The following NUDCD3 variants were observed in gnomAD, a reference collection of about 807,000 sequenced individuals.
The protein encoded by NUDCD3 is nudC domain-containing protein 3.
Under a neutral mutation model 39.7 loss-of-function variants are expected in NUDCD3, and 13 were observed. The observed-to-expected ratio is 0.33, with a 90% CI of 0.21 to 0.52. NUDCD3 has a LOEUF of 0.52. Among genes scored for constraint, NUDCD3 ranks in the 20% least tolerant of loss-of-function variants. The pLI is 0.96. For missense variants in NUDCD3, 453 were observed against 458.1 expected (o/e 0.99, Z 0.10); for synonymous variants, 175 against 172.4 (o/e 1.02, Z -0.12).
At chr7:44,438,103 C>T (rs188992669) in intron 2 of NUDCD3, among the ~76,000 whole-genome samples, 2 of 152,104 alleles carry the variant, frequency 1.3e-5, no homozygotes, top group Admixed American at 1.3e-4. Context: ...CGCCTGCAAT[C>T]CCAGCTACTC....
chr7:44,464,539 C>T (rs1417606760), intron 2 of NUDCD3, among the ~76,000 whole-genome samples: 1 of 152,026 alleles, frequency 6.6e-6, no homozygotes, highest in Non-Finnish European at 1.5e-5. Context: ...TTGCAACCTC[C>T]ACCTCTCAGA....
intron 2 of NUDCD3, among the ~76,000 whole-genome samples, chr7:44,478,561 A>T (rs983874987): frequency 9.2e-5 from 14 of 152,208 alleles, no homozygotes; most frequent in Admixed American, 2.0e-4. Flanking sequence ...CTAAAAAAAG[A>T]AAAAGATAGG....
At chr7:44,427,744 T>C in intron 2 of NUDCD3, 41 bp from the exon 3 acceptor site, 2 of 1,604,092 alleles carry the variant, frequency 1.2e-6, no homozygotes, top group South Asian at 1.1e-5. Context: ...CAGCCATGCC[T>C]GAGCAGAGGA....
intron 2 of NUDCD3, among the ~76,000 whole-genome samples, chr7:44,442,708 T>C (rs1799611231): frequency 1.3e-5 from 2 of 150,200 alleles, no homozygotes; most frequent in Admixed American, 1.3e-4. Context: ...TTTTTTTTTT[T>C]TTTTTGAGAC....
chr7:44,424,000 A>G (rs1200171628), intron 3 of NUDCD3, among the ~76,000 whole-genome samples: 1 of 152,072 alleles, frequency 6.6e-6, no homozygotes, highest in African/African-American at 2.4e-5. Flanking sequence ...CACATCTACA[A>G]CCATCTGATC....
intron 3 of NUDCD3, among the ~76,000 whole-genome samples, chr7:44,426,882 G>T (rs1799247028): frequency 6.6e-6 from 1 of 152,074 alleles, no homozygotes; most frequent in South Asian, 2.1e-4. Flanking sequence ...TCCCTCCTGT[G>T]CAGCCATGTT....
chr7:44,461,066 A>G (rs1019648911), intron 2 of NUDCD3, among the ~76,000 whole-genome samples: 1 of 152,180 alleles, frequency 6.6e-6, no homozygotes, highest in South Asian at 2.1e-4. Flanking sequence ...CGCTCCTTCA[A>G]GACTATACCC....
chr7:44,455,562 CAT>C (rs1426667498), intron 2 of NUDCD3, among the ~76,000 whole-genome samples: 2 of 152,144 alleles, frequency 1.3e-5, no homozygotes, highest in Non-Finnish European at 1.5e-5. Flanking sequence ...TGTGTGTGTA[CAT>C]ATGTGTGACA....
rs758134964 is a variant in NUDCD3, at chr7:44,468,178, T to C, written c.509+16790A>G. The C allele has an allele frequency of 1.9e-5, 30 of 1,602,370 alleles. No individual in the cohort carries two copies. In the East Asian group the frequency reaches 6.2e-4, roughly 33 times the overall value. ...AAGTGCTGCTGATGTGCAACAAATC[T>C]TACTGTGCCGAGATCGCTCACAATG... On this transcript the variant is annotated intron_variant, in intron 2 of 5. Transcript: ENST00000355451.
chr7:44,465,010 G>A (rs895188893), intron 2 of NUDCD3, among the ~76,000 whole-genome samples: 2 of 152,142 alleles, frequency 1.3e-5, no homozygotes, highest in Admixed American at 6.5e-5. Flanking sequence ...GGGCCCAAAC[G>A]AAGGTGTAAA....
intron 2 of NUDCD3, among the ~76,000 whole-genome samples, chr7:44,431,230 T>C (rs1194408405): frequency 6.6e-6 from 1 of 152,042 alleles, no homozygotes; most frequent in Non-Finnish European, 1.5e-5. Context: ...GGAGGGAGCA[T>C]CCATGCTTCA....
intron 2 of NUDCD3, among the ~76,000 whole-genome samples, chr7:44,431,631 G>A (rs1799365516): frequency 6.6e-6 from 1 of 150,556 alleles, no homozygotes; most frequent in African/African-American, 2.4e-5. Context: ...GCCTGTTTGA[G>A]TGCTGCCACT....
rs188910576 is a variant in NUDCD3 at position 44,471,163 on chromosome 7, T to C, written c.509+13805A>G. 3.5e-3 allele frequency among the ~76,000 whole-genome samples: 537 copies of C among 152,340 alleles called. 3 individuals carry two copies. The highest frequency in any genetic ancestry group is 0.01 in the Middle Eastern group (3 of 294). On this transcript the variant is annotated intron_variant, in intron 2 of 5. Transcript: ENST00000355451. ...CACAGAGTGCTGGTTCCAAGAACCC[T>C]AAGGATACCAAAATCCAACGATGCT... is the stretch of plus-strand genomic sequence containing the variant.
intron 4 of NUDCD3, among the ~76,000 whole-genome samples, chr7:44,398,180 G>A (rs1348504799): frequency 1.3e-5 from 2 of 152,154 alleles, no homozygotes; most frequent in East Asian, 1.9e-4. Context: ...ACGAAGGCTG[G>A]GAAATGCTGA....
At chr7:44,480,535 A>G (rs763606435) in intron 2 of NUDCD3, among the ~76,000 whole-genome samples, 8 of 152,222 alleles carry the variant, frequency 5.3e-5, no homozygotes, top group Non-Finnish European at 8.8e-5. Flanking sequence ...AGGTTCCACC[A>G]AAGAAACAGA....
intron 2 of NUDCD3, among the ~76,000 whole-genome samples, chr7:44,435,161 T>C (rs974054524): frequency 6.6e-6 from 1 of 152,238 alleles, no homozygotes; most frequent in Non-Finnish European, 1.5e-5. Flanking sequence ...ATTTTATCAA[T>C]ACCTGATTGT....
chr7:44,392,974 A>G (rs1798548182), intron 4 of NUDCD3, among the ~76,000 whole-genome samples: 1 of 152,118 alleles, frequency 6.6e-6, no homozygotes, highest in Admixed American at 6.5e-5. Flanking sequence ...TTCCAAGAGC[A>G]ACATCCAACA....
chr7:44,406,078 T>C (rs961192835), intron 3 of NUDCD3, among the ~76,000 whole-genome samples: 1 of 152,114 alleles, frequency 6.6e-6, no homozygotes, highest in Admixed American at 6.5e-5. Flanking sequence ...GGATGACACA[T>C]GTGAGCCACC....
intron 4 of NUDCD3, among the ~76,000 whole-genome samples, chr7:44,396,848 G>A (rs1798634993): frequency 6.6e-6 from 1 of 152,180 alleles, no homozygotes; most frequent in African/African-American, 2.4e-5. Context: ...GCAAGATGCA[G>A]TTCTGGGAGG....
Sources: allele counts gnomAD v4.1 joint callset (sites outside exome capture counted in the v4.1 genomes callset), GRCh38; gene constraint gnomAD v4.1.1; transcripts MANE v1.5; gene names NCBI Gene and HGNC (gene_info 2026-07-23, HGNC 2026-07-21).